EPHA6: variants seen among roughly 807,000 people sequenced by gnomAD.
EPHA6 encodes the protein EPH receptor A6, also known as ephrin type-A receptor 6.
A neutral mutation model predicts 112.0 loss-of-function variants in EPHA6; 50 were observed. The observed-to-expected ratio is 0.45, with a 90% CI of 0.36 to 0.56. The LOEUF (loss-of-function observed/expected upper bound fraction) is 0.56, where lower values mean the gene tolerates loss of function less well. Among genes scored for constraint, EPHA6 ranks in the 20% least tolerant of loss-of-function variants. The probability of loss-of-function intolerance (pLI) is 0.00; values close to 1 mark genes in which losing one functional copy is unlikely to be tolerated. For missense variants in EPHA6, 1,280 were observed against 1,417.4 expected (o/e 0.90, Z 1.56); for synonymous variants, 529 against 490.7 (o/e 1.08, Z -1.03).
intron 14 of EPHA6, among the ~76,000 whole-genome samples, chr3:97,716,592 A>AG (rs2034246648): frequency 8.0e-6 from 1 of 124,348 alleles, no homozygotes. Flanking sequence ...AAAAAAAAAA[A>AG]AAAAAAGAAA....
intron 3 of EPHA6, among the ~76,000 whole-genome samples, chr3:97,216,141 C>A (rs1340795940): frequency 6.6e-6 from 1 of 152,124 alleles, no homozygotes; most frequent in African/African-American, 2.4e-5. Flanking sequence ...ATTCTTCTGG[C>A]AGTACAAGCA....
chr3:96,952,957 C>T (rs1210484072), intron 2 of EPHA6, among the ~76,000 whole-genome samples: 1 of 151,918 alleles, frequency 6.6e-6, no homozygotes, highest in Non-Finnish European at 1.5e-5. Flanking sequence ...TCAACAAACC[C>T]CCGTGACACG....
At position 97,750,667 on chromosome 3, in the gene EPHA6, T is replaced by A. The variant is rs1019330028; in HGVS notation, c.*1966T>A. Among the ~76,000 whole-genome samples, 1 of 152,168 alleles carries A rather than the reference T, an allele frequency of 6.6e-6. No homozygotes were observed. The highest frequency in any genetic ancestry group is 1.5e-5 in the Non-Finnish European group (1 of 68,018). On this transcript the variant is annotated 3_prime_UTR_variant, in exon 18 of 18. Coordinates refer to ENST00000389672, the MANE Select transcript of EPHA6 (RefSeq NM_001080448.3). ...ACCGCGCCTGGCCATTTTTTTCTTA[T>A]ATTTAGATTTTGTTGATCGTCCCAT...
intron 5 of EPHA6, among the ~76,000 whole-genome samples, chr3:97,385,295 C>T (rs2085993871): frequency 6.6e-6 from 1 of 152,046 alleles, no homozygotes; most frequent in African/African-American, 2.4e-5. Flanking sequence ...ACATTTGAAC[C>T]AAGTCACTCA....
chr3:97,473,700 A>G (rs940798996), intron 7 of EPHA6, among the ~76,000 whole-genome samples: 2 of 151,904 alleles, frequency 1.3e-5, no homozygotes, highest in Non-Finnish European at 2.9e-5. Context: ...TTGTTATTCA[A>G]TAACTTTCAG....
intron 8 of EPHA6, 78 bp downstream of exon 8, chr3:97,475,538 T>C (rs1343248070): frequency 2.9e-6 from 3 of 1,034,874 alleles, no homozygotes; most frequent in Non-Finnish European, 4.3e-6. Context: ...CAAATGCTTT[T>C]AGATATAACA....
chr3:97,360,773 A>C (rs1325936497), intron 5 of EPHA6, among the ~76,000 whole-genome samples: 1 of 152,246 alleles, frequency 6.6e-6, no homozygotes, highest in Non-Finnish European at 1.5e-5. Flanking sequence ...AATCAACTAT[A>C]TAGGACATAA....
intron 10 of EPHA6, among the ~76,000 whole-genome samples, chr3:97,504,020 T>C (rs1211316129): frequency 1.3e-5 from 2 of 152,208 alleles, no homozygotes; most frequent in African/African-American, 4.8e-5. Flanking sequence ...TTTAAGTATT[T>C]TATACAGTTG....
At chr3:97,594,357 C>A (rs532309434) in intron 12 of EPHA6, among the ~76,000 whole-genome samples, 1 of 152,344 alleles carries the variant, frequency 6.6e-6, no homozygotes, top group East Asian at 1.9e-4. Flanking sequence ...CTCTATTCTT[C>A]TAGGCTTTAA....
At chr3:97,301,162 C>A (rs2081076237) in intron 5 of EPHA6, among the ~76,000 whole-genome samples, 1 of 152,082 alleles carries the variant, frequency 6.6e-6, no homozygotes, top group Admixed American at 6.6e-5. Flanking sequence ...CTGATCTTGG[C>A]AGGGTATTTA....
At chr3:97,275,617 T>C (rs2080046914) in intron 5 of EPHA6, among the ~76,000 whole-genome samples, 1 of 151,984 alleles carries the variant, frequency 6.6e-6, no homozygotes, top group African/African-American at 2.4e-5. Flanking sequence ...CTAGGACAGG[T>C]AAAATGGGGG....
At chr3:97,182,388 T>C (rs896466020) in intron 3 of EPHA6, among the ~76,000 whole-genome samples, 2 of 150,628 alleles carry the variant, frequency 1.3e-5, no homozygotes, top group Admixed American at 6.6e-5. Flanking sequence ...ATTATTATAC[T>C]AATACACTTG....
At chr3:97,307,795 T>G (rs1189823585) in intron 5 of EPHA6, among the ~76,000 whole-genome samples, 4 of 151,730 alleles carry the variant, frequency 2.6e-5, no homozygotes, top group Non-Finnish European at 5.9e-5. Context: ...CATGCTTGAA[T>G]TTTACATCTG....
chr3:97,190,096 C>T (rs560454309), intron 3 of EPHA6, among the ~76,000 whole-genome samples: 4 of 152,064 alleles, frequency 2.6e-5, no homozygotes, highest in African/African-American at 7.2e-5. Context: ...TCAGTAGAAA[C>T]GTCCATGAGA....
intron 2 of EPHA6, among the ~76,000 whole-genome samples, chr3:96,911,532 G>A (rs892298826): frequency 6.6e-6 from 1 of 151,926 alleles, no homozygotes; most frequent in South Asian, 2.1e-4. Context: ...TAGGGAATGT[G>A]ACCTTTACTG....
intron 11 of EPHA6, among the ~76,000 whole-genome samples, chr3:97,555,507 T>C (rs1431642441): frequency 2.0e-5 from 3 of 152,204 alleles, no homozygotes; most frequent in African/African-American, 7.2e-5. Context: ...ATCGCCACAC[T>C]GACTTCCACA....
At chr3:97,498,922 C>T (rs2092050288) in intron 10 of EPHA6, among the ~76,000 whole-genome samples, 1 of 152,168 alleles carries the variant, frequency 6.6e-6, no homozygotes, top group Admixed American at 6.5e-5. Context: ...AGGTTGGGGA[C>T]CTCCACTCTA....
At chr3:97,710,627 A>G (rs564030197) in intron 14 of EPHA6, among the ~76,000 whole-genome samples, 1 of 152,354 alleles carries the variant, frequency 6.6e-6, no homozygotes, top group South Asian at 2.1e-4. Flanking sequence ...AGACCTTCAT[A>G]TGAACTACAA....
chr3:97,214,840 T>C (rs1252308665), intron 3 of EPHA6, among the ~76,000 whole-genome samples: 1 of 152,190 alleles, frequency 6.6e-6, no homozygotes, highest in Non-Finnish European at 1.5e-5. Flanking sequence ...CCCTTAAGTT[T>C]TGCAGTTTTC....
Sources: gnomAD v4.1 joint callset for allele counts (sites outside exome capture counted in the v4.1 genomes callset) on GRCh38, gnomAD v4.1.1 for gene constraint, MANE v1.5 for transcripts, NCBI Gene and HGNC (gene_info 2026-07-23, HGNC 2026-07-21) for gene names.